Variants in LARGE1 observed in about 807,000 individuals in gnomAD.
The protein encoded by LARGE1 is LARGE xylosyl- and glucuronyltransferase 1.
Under a neutral mutation model 87.6 loss-of-function variants are expected in LARGE1, and 43 were observed. The ratio of observed to expected loss-of-function variants is 0.49; its 90% confidence interval spans 0.38 to 0.63. The LOEUF is 0.63. Ranked by LOEUF, LARGE1 falls within the 30% of genes least tolerant of loss-of-function variation. The probability of loss-of-function intolerance (pLI) is 0.00; values close to 1 mark genes in which losing one functional copy is unlikely to be tolerated. For synonymous variants in LARGE1, 434 were observed against 394.6 expected, an observed-to-expected ratio of 1.10 and a Z score of -1.18; for missense variants, 802 against 1,000.2, an observed-to-expected ratio of 0.80 and a Z score of 2.67.
chr22:33,255,469 T>C (rs1231887588), intron 11 of LARGE1, among the ~76,000 whole-genome samples: 1 of 152,272 alleles, frequency 6.6e-6, no homozygotes, highest in East Asian at 1.9e-4. Context: ...GGTGAGGATG[T>C]CTCCAAAACA....
chr22:33,683,630 C>T (rs1438309406), intron 2 of LARGE1, among the ~76,000 whole-genome samples: 1 of 151,984 alleles, frequency 6.6e-6, no homozygotes, highest in Non-Finnish European at 1.5e-5. Context: ...GTTAGGCAGG[C>T]AGGCAGACAG....
At chr22:33,879,059 G>A (rs1048158002) in intron 1 of LARGE1, among the ~76,000 whole-genome samples, 3 of 151,428 alleles carry the variant, frequency 2.0e-5, no homozygotes, top group African/African-American at 7.3e-5. Flanking sequence ...CGCAACCTCT[G>A]CCTCCTGGGT....
chr22:33,641,122 G>T (rs1200659292), intron 3 of LARGE1, among the ~76,000 whole-genome samples: 2 of 152,142 alleles, frequency 1.3e-5, no homozygotes, highest in Non-Finnish European at 2.9e-5. Flanking sequence ...CCTCCTGATT[G>T]GGAGACACCT....
intron 5 of LARGE1, among the ~76,000 whole-genome samples, chr22:33,594,867 A>G (rs1208892550): frequency 6.6e-6 from 1 of 152,138 alleles, no homozygotes; most frequent in African/African-American, 2.4e-5. Context: ...TCAGCCTCCC[A>G]AAGTGCTGGT....
At chr22:33,590,986 AGG>A (rs1436565571) in intron 5 of LARGE1, among the ~76,000 whole-genome samples, 2 of 151,948 alleles carry the variant, frequency 1.3e-5, no homozygotes, top group Non-Finnish European at 2.9e-5. Flanking sequence ...GTGGATCACG[AGG>A]TCAGGAGTTT....
intron 7 of LARGE1, among the ~76,000 whole-genome samples, chr22:33,385,758 G>A (rs1476989682): frequency 6.8e-6 from 1 of 147,966 alleles, no homozygotes; most frequent in Non-Finnish European, 1.5e-5. Context: ...TCAATTTGGT[G>A]GGTGGAACTG....
intron 3 of LARGE1, among the ~76,000 whole-genome samples, chr22:33,635,347 G>A (rs240603): frequency 0.56 from 84,229 of 151,754 alleles, 23,958 homozygotes; most frequent in Middle Eastern, 0.67. Flanking sequence ...TTCAGCCTGC[G>A]GTCACTGGTC....
intron 6 of LARGE1, among the ~76,000 whole-genome samples, chr22:33,511,372 A>G (rs958108977): frequency 1.1e-4 from 16 of 152,158 alleles, no homozygotes; most frequent in African/African-American, 3.9e-4. Context: ...CAAGGGTGAT[A>G]TTTCCCTGGC....
intron 9 of LARGE1, among the ~76,000 whole-genome samples, chr22:33,369,295 TC>T (rs1305106710): frequency 1.3e-5 from 2 of 152,202 alleles, no homozygotes; most frequent in Non-Finnish European, 2.9e-5. Context: ...TTCTTTGCTC[TC>T]AAGAGATTGA....
At chr22:33,284,634 G>T (rs1423940978) in intron 12 of LARGE1, among the ~76,000 whole-genome samples, 1 of 151,914 alleles carries the variant, frequency 6.6e-6, no homozygotes, top group Non-Finnish European at 1.5e-5. Context: ...CTGGAGTGCA[G>T]TGGTGCAATC....
chr22:33,274,274 T>A lies in LARGE1; in HGVS notation c.*153A>T. 5.2e-6 allele frequency: 4 copies of A among 767,158 alleles called. No homozygotes were observed. Among genetic ancestry groups the A allele is most frequent in the Non-Finnish European group, 8.9e-6 (4 of 448,200 alleles). The allele number at this position is 767,158 out of a possible 1,614,324, so 47.5% of individuals were successfully genotyped here. ...GGACTGGCTGGATCCTTGTCCAAGG[T>A]CTCTGTAGTGAGGGCAGCTTGGCTG... On this transcript the variant is annotated 3_prime_UTR_variant, in exon 15 of 15. Coordinates refer to ENST00000397394, the MANE Select transcript of LARGE1 (RefSeq NM_133642.5).
chr22:33,325,684 C>G (rs1019967545), intron 10 of LARGE1, among the ~76,000 whole-genome samples: 7 of 78,870 alleles, frequency 8.9e-5, no homozygotes, highest in Middle Eastern at 7.0e-3. Context: ...ATTAAGGAGT[C>G]TGGGAGGCCC....
At chr22:33,362,985 G>A (rs2064442045) in intron 9 of LARGE1, among the ~76,000 whole-genome samples, 1 of 150,050 alleles carries the variant, frequency 6.7e-6, no homozygotes, top group South Asian at 2.2e-4. Context: ...CAAAAAACCT[G>A]GCCTGTGGAT....
intron 7 of LARGE1, among the ~76,000 whole-genome samples, chr22:33,429,794 A>G (rs1331043709): frequency 1.3e-5 from 2 of 152,080 alleles, no homozygotes; most frequent in Non-Finnish European, 2.9e-5. Context: ...TCCAGGCACA[A>G]AAGATCAACA....
intron 11 of LARGE1, among the ~76,000 whole-genome samples, chr22:33,259,100 G>T (rs1428208834): frequency 6.6e-6 from 1 of 152,034 alleles, no homozygotes; most frequent in Non-Finnish European, 1.5e-5. Context: ...GGATGGTCTT[G>T]AACTCCTGAC....
At chr22:33,325,008 A>C (rs921274461) in intron 10 of LARGE1, among the ~76,000 whole-genome samples, 2 of 152,236 alleles carry the variant, frequency 1.3e-5, no homozygotes, top group African/African-American at 4.8e-5. Context: ...TAGTAGAAGA[A>C]GACATCCATC....
chr22:33,679,142 T>G (rs1459687116), intron 2 of LARGE1, among the ~76,000 whole-genome samples: 1 of 152,246 alleles, frequency 6.6e-6, no homozygotes, highest in Admixed American at 6.5e-5. Flanking sequence ...TTTATTTTGG[T>G]CATCCCCTTA....
intron 2 of LARGE1, among the ~76,000 whole-genome samples, chr22:33,667,568 TAA>T: frequency 6.6e-6 from 1 of 152,320 alleles, no homozygotes; most frequent in Middle Eastern, 3.4e-3. Flanking sequence ...AAAAGGTGCC[TAA>T]AAGTATACTT....
At chr22:33,394,198 CTTT>C (rs531894455) in intron 7 of LARGE1, among the ~76,000 whole-genome samples, 12 of 126,762 alleles carry the variant, frequency 9.5e-5, no homozygotes, top group East Asian at 2.2e-4. Flanking sequence ...ACCTCTGATT[CTTT>C]TTTTTTTTTT....
Sources: gnomAD v4.1 joint callset for allele counts (sites outside exome capture counted in the v4.1 genomes callset) on GRCh38, gnomAD v4.1.1 for gene constraint, MANE v1.5 for transcripts, NCBI Gene and HGNC (gene_info 2026-07-23, HGNC 2026-07-21) for gene names.